Variants in IL31RA observed in about 807,000 individuals in gnomAD.
IL31RA encodes the protein interleukin 31 receptor A.
A neutral mutation model predicts 83.7 loss-of-function variants in IL31RA; 66 were observed. That is an observed-to-expected ratio of 0.79 (90% CI 0.65 to 0.97). IL31RA has a LOEUF of 0.97. Ranked by LOEUF, IL31RA falls within the 50% of genes least tolerant of loss-of-function variation. The pLI, the probability that IL31RA is intolerant of heterozygous loss-of-function variation, is 0.00. For synonymous variants in IL31RA, 325 were observed against 329.0 expected (o/e 0.99, Z 0.13); for missense variants, 798 against 919.4 (o/e 0.87, Z 1.71).
Position 55,918,573 on chromosome 5 carries a change from C to T in IL31RA, c.*1453C>T, listed in dbSNP as rs960275894. On this transcript the variant is annotated 3_prime_UTR_variant, in exon 15 of 15. Coordinates refer to ENST00000652347, the MANE Select transcript of IL31RA (RefSeq NM_139017.7). ...GTGCCGAGGATGTTCAATGGCGCAG[C>T]GTGCATGGGGCAGAGTTGGTCACTC... Among the ~76,000 whole-genome samples, 1 of 152,096 alleles carries T rather than the reference C, an allele frequency of 6.6e-6. No individual in the cohort carries two copies. Among genetic ancestry groups the T allele is most frequent in the African/African-American group, 2.4e-5 (1 of 41,398 alleles).
chr5:55,876,248 A>T (rs1283704894), intron 4 of IL31RA, among the ~76,000 whole-genome samples: 2 of 152,118 alleles, frequency 1.3e-5, no homozygotes, highest in Non-Finnish European at 2.9e-5. Context: ...TCTACTAAAA[A>T]TACAAAAATT....
intron 5 of IL31RA, among the ~76,000 whole-genome samples, chr5:55,888,571 T>C (rs1251976632): frequency 6.6e-6 from 1 of 152,252 alleles, no homozygotes; most frequent in Non-Finnish European, 1.5e-5. Flanking sequence ...AGAGGTTTAT[T>C]AGACTTCCTT....
intron 6 of IL31RA, 41 bp from the exon 7 acceptor site, chr5:55,896,309 C>T (rs367981336): frequency 7.3e-7 from 1 of 1,378,482 alleles, no homozygotes; most frequent in African/African-American, 1.4e-5. Flanking sequence ...TCTGCAACTC[C>T]CTTATCTCTG....
chr5:55,877,183 A>G (rs1339021455), intron 4 of IL31RA, among the ~76,000 whole-genome samples: 2 of 152,180 alleles, frequency 1.3e-5, no homozygotes, highest in Non-Finnish European at 1.5e-5. Flanking sequence ...TAAAGTTATA[A>G]CAATCTAATT....
intron 5 of IL31RA, among the ~76,000 whole-genome samples, chr5:55,886,237 T>C (rs1466569435): frequency 2.0e-5 from 3 of 148,530 alleles, no homozygotes; most frequent in Admixed American, 2.0e-4. Flanking sequence ...TCTTTCTCTC[T>C]CCTTAGCTAG....
At chr5:55,891,498 T>C (rs1437612505) in intron 6 of IL31RA, among the ~76,000 whole-genome samples, 1 of 152,176 alleles carries the variant, frequency 6.6e-6, no homozygotes, top group Non-Finnish European at 1.5e-5. Context: ...CTTCTCCAGC[T>C]TCTAGTGGCT....
At chr5:55,873,531 G>A (rs1746662566) in intron 4 of IL31RA, among the ~76,000 whole-genome samples, 1 of 152,012 alleles carries the variant, frequency 6.6e-6, no homozygotes. Flanking sequence ...ATTTATAAAG[G>A]TTACAATTTC....
At chr5:55,862,164 T>C (rs375560875) in intron 2 of IL31RA, among the ~76,000 whole-genome samples, 15 of 152,310 alleles carry the variant, frequency 9.8e-5, no homozygotes, top group African/African-American at 3.6e-4. Flanking sequence ...TAACCTTCAG[T>C]TGTTTGTATT....
At chr5:55,867,181 ATG>A (rs67289642) in intron 2 of IL31RA, among the ~76,000 whole-genome samples, 13,937 of 45,746 alleles carry the variant, frequency 0.3, 1,443 homozygotes, top group Admixed American at 0.49. Context: ...GTGTGTGTGC[ATG>A]TGTGTTTGTG....
chr5:55,868,915 A>C lies in IL31RA; in HGVS notation c.272+7A>C. On this transcript the variant is annotated splice_region_variant and intron_variant, in intron 3 of 14. Coordinates refer to ENST00000652347, the MANE Select transcript of IL31RA (RefSeq NM_139017.7). ...ACACAGTTAAGAGAACTTAGTAAGTACAGGAGCTTGTGTTTTATCAGTCAG... is the reference window on the plus strand; with the variant it reads ...ACACAGTTAAGAGAACTTAGTAAGTCCAGGAGCTTGTGTTTTATCAGTCAG... 7.2e-7 allele frequency: 1 copy of C among 1,380,790 alleles called. No individual in the cohort carries two copies. The highest frequency in any genetic ancestry group is 1.0e-6 in the Non-Finnish European group (1 of 968,022). 85.5% of individuals were successfully genotyped at this position (1,380,790 alleles called of 1,614,324 possible).
At chr5:55,859,390 A>C in intron 1 of IL31RA, 119 bp from the exon 2 acceptor site, 2 of 757,372 alleles carry the variant, frequency 2.6e-6, no homozygotes. Context: ...ATAGTCAACA[A>C]ATAAAATAAA....
the IL31RA span, among the ~76,000 whole-genome samples, chr5:55,845,316 T>A: frequency 2.0e-5 from 3 of 152,340 alleles, no homozygotes; most frequent in African/African-American, 7.2e-5. Flanking sequence ...CCTGTGCCTC[T>A]GGACTGTGAA....
intron 4 of IL31RA, among the ~76,000 whole-genome samples, chr5:55,872,783 A>G (rs1746611528): frequency 6.6e-6 from 1 of 151,968 alleles, no homozygotes; most frequent in Non-Finnish European, 1.5e-5. Context: ...TGCCAATGTC[A>G]TTGCTCATAA....
chr5:55,906,178 C>T lies in IL31RA; in HGVS notation c.1142C>T (p.Ala381Val), dbSNP rs375804068. ...DQLVVKWQSS[A>V]LDVNTWMIEW... ...CTAGTGGTGAAGTGGCAAAGCTCTG[C>T]TCTAGACGTGAACACTTGGATGATT... Residue 381 changes from alanine to valine, a missense_variant, in exon 9 of 15, where the codon GCT becomes GTT. Ala to Val is a moderately conservative substitution (Grantham distance 64). Transcript: ENST00000652347. 3.1e-6 allele frequency: 5 copies of T among 1,614,142 alleles called. No individual in the cohort carries two copies. The highest frequency in any genetic ancestry group is 4.2e-6 in the Non-Finnish European group (5 of 1,179,998).
chr5:55,856,145 C>T (rs1182844200), intron 1 of IL31RA, among the ~76,000 whole-genome samples: 1 of 152,202 alleles, frequency 6.6e-6, no homozygotes, highest in African/African-American at 2.4e-5. Context: ...GATCTGCCTG[C>T]CTTGGCCTCC....
Position 55,907,299 on chromosome 5 carries a change from A to G in IL31RA, c.1253-60A>G, listed in dbSNP as rs991595622. 6 of 957,046 alleles carry G rather than the reference A, an allele frequency of 6.3e-6. No individual in the cohort carries two copies. The African/African-American group carries it at 9.7e-5, about 15-fold the overall frequency. 59.3% of individuals were successfully genotyped at this position (957,046 alleles called of 1,614,324 possible). A position where few individuals can be genotyped will look rare whatever the true frequency, so the allele number is the denominator to read the frequency against. ...AGTGTTTGGCCATAACTCTTAGTCT[A>G]GTATTCCCCCCACTCTGCCGTGCTC... On this transcript the variant is annotated intron_variant, in intron 9 of 14. Coordinates refer to ENST00000652347, the MANE Select transcript of IL31RA (RefSeq NM_139017.7).
At position 55,919,459 on chromosome 5, in the gene IL31RA, T is replaced by G. The variant is rs1231436074; in HGVS notation, c.*2339T>G. On this transcript the variant is annotated 3_prime_UTR_variant, in exon 15 of 15. Transcript: ENST00000652347. ...CATCAAAGCTGGAAGCGTCTTTTGC[T>G]GGACAATTTGCAAATCCCCACCCAG... Among the ~76,000 whole-genome samples the G allele has an allele frequency of 6.6e-6, 1 of 152,242 alleles. No individual in the cohort carries two copies. The highest frequency in any genetic ancestry group is 1.5e-5 in the Non-Finnish European group (1 of 68,038).
Position 55,922,588 on chromosome 5 carries a change from A to T in IL31RA, c.*5468A>T, listed in dbSNP as rs375440037. ...TTTTCCACACATGGACCACCTACGG[A>T]TGCAATCTGTAATGCATGTGCATGA... On this transcript the variant is annotated 3_prime_UTR_variant, in exon 15 of 15. Transcript: ENST00000652347. 13 of 617,726 alleles carry T rather than the reference A, an allele frequency of 2.1e-5. No individual in the cohort carries two copies. The highest frequency in any genetic ancestry group is 2.6e-4 in the Middle Eastern group (1 of 3,886). The allele number at this position is 617,726 out of a possible 1,614,324, so 38.3% of individuals were successfully genotyped here.
Position 55,916,936 on chromosome 5 carries a change from G to A in IL31RA, c.2111G>A (p.Arg704His), listed in dbSNP as rs144592181. 27 of 1,613,908 alleles carry A rather than the reference G, an allele frequency of 1.7e-5. No homozygotes were observed. In the East Asian group the frequency reaches 2.5e-4, roughly 15 times the overall value. Residue 704 changes from arginine to histidine, a missense_variant, in exon 15 of 15, where the codon CGT becomes CAT. Physicochemically the swap from Arg to His is conservative, Grantham distance 29 (BLOSUM62 0). Transcript: ENST00000652347. ...EIPPRKSQYL[R>H]SRMPEGTRPE... ...CCGCCCAGAAAATCCCAATACCTAC[G>A]TTCGAGGATGCCAGAGGGGACCCGC... is the stretch of plus-strand genomic sequence containing the variant.
Sources: allele counts gnomAD v4.1 joint callset (sites outside exome capture counted in the v4.1 genomes callset), GRCh38; gene constraint gnomAD v4.1.1; transcripts MANE v1.5; gene names NCBI Gene and HGNC (gene_info 2026-07-23, HGNC 2026-07-21).